The following SGCD variants were observed in gnomAD, a reference collection of about 807,000 sequenced individuals.
The protein encoded by SGCD is delta-sarcoglycan.
In SGCD, 18 loss-of-function variants were observed where a neutral mutation model predicts 36.6. The ratio of observed to expected loss-of-function variants is 0.49; its 90% confidence interval spans 0.34 to 0.73. SGCD has a LOEUF of 0.73. Among genes scored for constraint, SGCD ranks in the 30% least tolerant of loss-of-function variants. The probability of loss-of-function intolerance (pLI) is 0.01; values close to 1 mark genes in which losing one functional copy is unlikely to be tolerated. For synonymous variants in SGCD, 133 were observed against 130.6 expected (o/e 1.02, Z -0.12); for missense variants, 387 against 346.7 (o/e 1.12, Z -0.92).
At chr5:156,407,439 G>T (rs1472127569) in intron 3 of SGCD, among the ~76,000 whole-genome samples, 1 of 152,108 alleles carries the variant, frequency 6.6e-6, no homozygotes. Context: ...TCCCTCATTG[G>T]CCTGTGAGCC....
intron 3 of SGCD, among the ~76,000 whole-genome samples, chr5:156,481,708 T>A (rs975857365): frequency 2.0e-5 from 3 of 152,154 alleles, no homozygotes; most frequent in Non-Finnish European, 4.4e-5. Flanking sequence ...GAGTTTCAGA[T>A]CCCTTACTAG....
At chr5:156,394,331 T>C (rs889769875) in intron 3 of SGCD, among the ~76,000 whole-genome samples, 1 of 152,230 alleles carries the variant, frequency 6.6e-6, no homozygotes, top group Admixed American at 6.5e-5. Flanking sequence ...TTCAGTACTT[T>C]GAACATAATA....
chr5:156,267,798 A>T (rs1326198281), intron 3 of SGCD, among the ~76,000 whole-genome samples: 1 of 152,242 alleles, frequency 6.6e-6, no homozygotes, highest in East Asian at 1.9e-4. Flanking sequence ...GACCAAGGCA[A>T]ATTTAAAAGT....
At chr5:156,126,245 G>T (rs985640613) in intron 3 of SGCD, among the ~76,000 whole-genome samples, 1 of 152,102 alleles carries the variant, frequency 6.6e-6, no homozygotes, top group East Asian at 1.9e-4. Context: ...CCTCAAATAC[G>T]TAGAGAAGCT....
chr5:156,515,483 G>A (rs1335877960), intron 4 of SGCD, among the ~76,000 whole-genome samples: 1 of 152,150 alleles, frequency 6.6e-6, no homozygotes, highest in Non-Finnish European at 1.5e-5. Flanking sequence ...CTGATGAGGT[G>A]TTGGTGTGAC....
chr5:156,353,763 T>A (rs1769369845), intron 3 of SGCD, among the ~76,000 whole-genome samples: 1 of 152,170 alleles, frequency 6.6e-6, no homozygotes. Flanking sequence ...ATGTTGTTTT[T>A]TAAAAGCACC....
intron 1 of SGCD, among the ~76,000 whole-genome samples, chr5:155,903,019 A>G (rs1211067614): frequency 1.3e-5 from 2 of 152,202 alleles, no homozygotes; most frequent in African/African-American, 2.4e-5. Flanking sequence ...ATGATTATTT[A>G]TGTACTTGAA....
At chr5:156,404,717 G>C (rs1413548351) in intron 3 of SGCD, among the ~76,000 whole-genome samples, 1 of 152,070 alleles carries the variant, frequency 6.6e-6, no homozygotes, top group African/African-American at 2.4e-5. Flanking sequence ...TGGGTTTGCT[G>C]TAACAACTGA....
chr5:156,259,817 C>A (rs1185533587), intron 3 of SGCD, among the ~76,000 whole-genome samples: 27 of 151,986 alleles, frequency 1.8e-4, no homozygotes, highest in Admixed American at 1.8e-3. Context: ...GGAAAAAAGA[C>A]CTGAGCTGAC....
chr5:156,142,201 T>C (rs147444460), intron 3 of SGCD, among the ~76,000 whole-genome samples: 3,927 of 152,304 alleles, frequency 0.026, 166 homozygotes, highest in African/African-American at 0.09. Context: ...CCCCTTTGCT[T>C]TCTGCCATAC....
chr5:156,256,577 A>G (rs1263427465), intron 3 of SGCD, among the ~76,000 whole-genome samples: 1 of 152,130 alleles, frequency 6.6e-6, no homozygotes, highest in Non-Finnish European at 1.5e-5. Flanking sequence ...CTTGATAGAT[A>G]TTTGGTTCAT....
chr5:155,957,746 A>G (rs1581011815), intron 1 of SGCD, among the ~76,000 whole-genome samples: 1 of 152,142 alleles, frequency 6.6e-6, no homozygotes, highest in African/African-American at 2.4e-5. Flanking sequence ...TTTAAGGTCA[A>G]CTGAACAGCA....
chr5:156,705,330 T>C lies in SGCD; in HGVS notation c.576-52251T>C, dbSNP rs111619165. Among the ~76,000 whole-genome samples the C allele has an allele frequency of 3.5e-3, 527 of 152,328 alleles. 6 individuals are homozygous for C. Among genetic ancestry groups the C allele is most frequent in the African/African-American group, 0.012 (494 of 41,586 alleles). The stretch of plus-strand genomic sequence containing the variant: ...ACATTTTCTGGGAGGAAATTTATAC[T>C]GTCCTGTCCATGTCAGGGAATCACG... On this transcript the variant is annotated intron_variant, in intron 7 of 8. Coordinates refer to ENST00000337851, the MANE Select transcript of SGCD (RefSeq NM_000337.6).
chr5:156,128,067 G>A (rs545891701), intron 3 of SGCD, among the ~76,000 whole-genome samples: 1 of 150,140 alleles, frequency 6.7e-6, no homozygotes, highest in African/African-American at 2.4e-5. Context: ...CCACAGACTA[G>A]GAGAAAATAG....
At position 156,440,169 on chromosome 5, in the gene SGCD, A is replaced by G. The variant is rs547646421; in HGVS notation, c.193-68432A>G. Among the ~76,000 whole-genome samples the G allele has an allele frequency of 1.9e-4, 29 of 152,204 alleles. No homozygotes were observed. In the East Asian group the frequency reaches 5.0e-3, roughly 26 times the overall value. On this transcript the variant is annotated intron_variant, in intron 3 of 8. Transcript: ENST00000337851. ...CCCTGTAGTCATTGGCAACCTACCA[A>G]TCTACATCTGTCTCTATGAATTTAC...
rs76678385 is a variant in SGCD, at chr5:156,224,120, G to A, written c.-44+100101G>A. On this transcript the variant is annotated intron_variant, in intron 3 of 9. Coordinates refer to the SGCD transcript ENST00000517913. ...CTAAGTGTTTTATATGCCTCATTTT[G>A]TTTAGTCCACATAGTTACAGTTTTT... Among the ~76,000 whole-genome samples the A allele has an allele frequency of 5.8e-3, 877 of 151,982 alleles. 11 individuals are homozygous for A. Among genetic ancestry groups the A allele is most frequent in the African/African-American group, 0.02 (846 of 41,444 alleles).
At chr5:156,337,244 C>A (rs1379137658) in intron 2 of SGCD, among the ~76,000 whole-genome samples, 1 of 152,150 alleles carries the variant, frequency 6.6e-6, no homozygotes, top group Non-Finnish European at 1.5e-5. Flanking sequence ...ACCTATGCCT[C>A]CTATTTATAT....
chr5:155,939,662 AT>A (rs1757285001), intron 1 of SGCD, among the ~76,000 whole-genome samples: 3 of 150,960 alleles, frequency 2.0e-5, no homozygotes, highest in African/African-American at 7.3e-5. Flanking sequence ...AAAAAAAATA[AT>A]AATAATGAAA....
At chr5:156,483,070 A>G (rs1335232352) in intron 3 of SGCD, among the ~76,000 whole-genome samples, 1 of 152,028 alleles carries the variant, frequency 6.6e-6, no homozygotes, top group Non-Finnish European at 1.5e-5. Flanking sequence ...GGCCTCATGA[A>G]TGGTATTTGA....
Sources: gnomAD v4.1 joint callset for allele counts (sites outside exome capture counted in the v4.1 genomes callset) on GRCh38, gnomAD v4.1.1 for gene constraint, MANE v1.5 for transcripts, NCBI Gene and HGNC (gene_info 2026-07-23, HGNC 2026-07-21) for gene names.